Variants in RICTOR observed in about 807,000 individuals in gnomAD.
RICTOR encodes rapamycin-insensitive companion of mTOR.
RICTOR carries 49 observed loss-of-function variants against 214.9 expected under a neutral mutation model. That is an observed-to-expected ratio of 0.23 (90% CI 0.18 to 0.29). The LOEUF is 0.29. Among genes scored for constraint, RICTOR ranks in the 10% least tolerant of loss-of-function variants. The pLI is 1.00. For synonymous variants in RICTOR, 717 were observed against 711.3 expected (o/e 1.01, Z -0.13); for missense variants, 1,625 against 2,047.0 (o/e 0.79, Z 3.98).
chr5:38,957,423 G>C (rs751818897), intron 25 of RICTOR, among the ~76,000 whole-genome samples: 2 of 151,996 alleles, frequency 1.3e-5, no homozygotes, highest in Non-Finnish European at 2.9e-5. Context: ...TCAATAGAAC[G>C]AATACAGTCA....
intron 2 of RICTOR, among the ~76,000 whole-genome samples, chr5:39,040,096 A>C (rs1435153977): frequency 6.6e-6 from 1 of 152,184 alleles, no homozygotes; most frequent in Non-Finnish European, 1.5e-5. Context: ...GACTGGATTA[A>C]GAAAATGTGG....
chr5:39,049,606 A>G (rs187810993), intron 2 of RICTOR, among the ~76,000 whole-genome samples: 1 of 152,062 alleles, frequency 6.6e-6, no homozygotes, highest in Non-Finnish European at 1.5e-5. Flanking sequence ...GGAAAAAAAG[A>G]AGTAAAAAGA....
At position 38,990,993 on chromosome 5, in the gene RICTOR, C is replaced by T; in HGVS notation, c.539G>A (p.Arg180Lys). ...AATGCATGCTCGGACCATTCTGTCT[C>T]TTTCTTGAAGTCCATCATTTCCAAC... is the stretch of plus-strand genomic sequence containing the variant. ...IAVGNDGLQE[R>K]DRMVRACIAI... Residue 180 changes from arginine (R) to lysine (K), a missense_variant, in exon 7 of 38, where the codon AGA becomes AAA. By Grantham distance (26) the Arg-to-Lys change is conservative. Coordinates refer to ENST00000357387, the MANE Select transcript of RICTOR (RefSeq NM_152756.5). 6.2e-7 allele frequency: 1 copy of T among 1,608,508 alleles called. No homozygotes were observed. Among genetic ancestry groups the T allele is most frequent in the South Asian group, 1.1e-5 (1 of 90,634 alleles).
intron 6 of RICTOR, 89 bp downstream of exon 6, chr5:38,996,727 TTAA>T (rs1293120094): frequency 1.2e-5 from 9 of 738,734 alleles, no homozygotes; most frequent in South Asian, 1.1e-4. Context: ...GTCTTTAATC[TTAA>T]TAAAGATTTC....
intron 3 of RICTOR, among the ~76,000 whole-genome samples, chr5:39,006,868 A>G (rs192428306): frequency 1.1e-3 from 160 of 152,216 alleles, no homozygotes; most frequent in African/African-American, 3.7e-3. Context: ...TGATATTACA[A>G]TACTGGTATT....
chr5:38,956,752 A>G lies in RICTOR; in HGVS notation c.2499+900T>C, dbSNP rs1007889571. On this transcript the variant is annotated intron_variant, in intron 25 of 37. Transcript: ENST00000357387. ...ATATTCTAAGCAATTTTCTAATACT[A>G]TGATTTGTATAATAAATTTTATTAT... Among the ~76,000 whole-genome samples the G allele has an allele frequency of 3.9e-5, 6 of 152,288 alleles. No individual in the cohort carries two copies. The East Asian group carries it at 1.2e-3, about 29-fold the overall frequency.
chr5:38,970,353 T>C (rs900562473), intron 11 of RICTOR: 2 of 152,208 alleles, frequency 1.3e-5, no homozygotes, highest in Non-Finnish European at 2.9e-5. Context: ...ATTAACCTAA[T>C]TGTGCAAAAA....
intron 2 of RICTOR, among the ~76,000 whole-genome samples, chr5:39,030,204 G>A (rs1235094446): frequency 3.9e-5 from 6 of 151,938 alleles, no homozygotes; most frequent in African/African-American, 9.7e-5. Flanking sequence ...AACATATGAC[G>A]TACTTTTTGA....
intron 2 of RICTOR, among the ~76,000 whole-genome samples, chr5:39,024,549 TA>T (rs1344654693): frequency 6.6e-6 from 1 of 152,192 alleles, no homozygotes; most frequent in East Asian, 1.9e-4. Context: ...ACCCTCTAGA[TA>T]ATTTAGGACC....
At chr5:38,996,920 C>G in intron 5 of RICTOR, 38 bp from the exon 6 acceptor site, 1 of 1,418,536 alleles carries the variant, frequency 7.0e-7, no homozygotes, top group Admixed American at 1.7e-5. Context: ...TGATAAAATT[C>G]TATTAAACAA....
In RICTOR at chr5:38,978,593, CT is replaced by C; in HGVS notation, c.810del (p.Gly271AspfsTer12). 6.4e-7 allele frequency: 1 copy of C among 1,554,228 alleles called. No homozygotes were observed. The highest frequency in any genetic ancestry group is 8.8e-7 in the Non-Finnish European group (1 of 1,132,518). On this transcript the variant is annotated frameshift_variant, in exon 9 of 38. Transcript: ENST00000357387. LOFTEE classifies it high-confidence loss of function. ...FHYRHSPDTA[E>X]GQLKEDREAR... Reference sequence around the variant, plus strand: ...ACCAATGTTACTTACTTGAGCTGTCCTTCAGCTGTATCTGGACTATGTCTGT... The same window carrying C: ...ACCAATGTTACTTACTTGAGCTGTCCTCAGCTGTATCTGGACTATGTCTGT...
intron 7 of RICTOR, among the ~76,000 whole-genome samples, chr5:38,982,781 T>C (rs1751825074): frequency 2.0e-5 from 1 of 50,664 alleles, no homozygotes; most frequent in East Asian, 5.5e-4. Flanking sequence ...TACACACATA[T>C]ATATATACAT....
intron 3 of RICTOR, among the ~76,000 whole-genome samples, chr5:39,004,270 T>C (rs1753855081): frequency 6.6e-6 from 1 of 152,166 alleles, no homozygotes; most frequent in South Asian, 2.1e-4. Flanking sequence ...ATTTTCTTGG[T>C]TTTTATTTCT....
intron 36 of RICTOR, chr5:38,943,312 TTAAAG>T (rs1490572052): frequency 9.1e-5 from 16 of 175,522 alleles, no homozygotes; most frequent in Non-Finnish European, 1.7e-4. Context: ...AAATACATCT[TTAAAG>T]TTAAGTTATT....
At chr5:39,040,209 T>C (rs993043839) in intron 2 of RICTOR, among the ~76,000 whole-genome samples, 12 of 151,130 alleles carry the variant, frequency 7.9e-5, no homozygotes, top group African/African-American at 2.9e-4. Context: ...CAGCAAACTA[T>C]TGCAAGGACA....
At chr5:39,022,887 A>G (rs2150138347) in intron 2 of RICTOR, among the ~76,000 whole-genome samples, 1 of 152,330 alleles carries the variant, frequency 6.6e-6, no homozygotes, top group Middle Eastern at 3.4e-3. Context: ...TAAGAGAGAG[A>G]AAGTACCTAA....
intron 8 of RICTOR, among the ~76,000 whole-genome samples, chr5:38,979,082 T>G (rs1208053699): frequency 1.3e-5 from 2 of 152,212 alleles, no homozygotes; most frequent in Non-Finnish European, 2.9e-5. Context: ...GTTGCTGGTA[T>G]AAAGAAAATC....
chr5:38,965,722 A>C (rs1750159510), intron 15 of RICTOR, among the ~76,000 whole-genome samples: 1 of 152,112 alleles, frequency 6.6e-6, no homozygotes, highest in Non-Finnish European at 1.5e-5. Flanking sequence ...CTGATTTAAA[A>C]AAAGAAAGTT....
In RICTOR at chr5:38,945,684, A is replaced by G; in HGVS notation, c.4440T>C (p.Phe1480=). The change falls in exon 34 of 38, where the codon TTT becomes TTC. Residue 1480 remains phenylalanine, a synonymous_variant. Coordinates refer to ENST00000357387, the MANE Select transcript of RICTOR (RefSeq NM_152756.5). The part of the protein sequence containing the change: ...SGTGGLVKNS[F]HLLRQQMSLT... Reference sequence around the variant, plus strand: ...GACTCATCTGCTGTCGTAGCAAGTGAAAAGAATTTTTTACAAGACCTCCAG... The same window carrying G: ...GACTCATCTGCTGTCGTAGCAAGTGGAAAGAATTTTTTACAAGACCTCCAG... 6.2e-7 allele frequency: 1 copy of G among 1,613,678 alleles called. No individual in the cohort carries two copies. The highest frequency in any genetic ancestry group is 8.5e-7 in the Non-Finnish European group (1 of 1,179,640).
Sources: allele counts gnomAD v4.1 joint callset (sites outside exome capture counted in the v4.1 genomes callset), GRCh38; gene constraint gnomAD v4.1.1; transcripts MANE v1.5; gene names NCBI Gene and HGNC (gene_info 2026-07-23, HGNC 2026-07-21).